The following LIMCH1 variants were observed in gnomAD, a reference collection of about 807,000 sequenced individuals.
LIMCH1 encodes the protein LIM and calponin homology domains 1, also known as LIM and calponin homology domains-containing protein 1.
A neutral mutation model predicts 176.5 loss-of-function variants in LIMCH1; 113 were observed. That is an observed-to-expected ratio of 0.64 (90% CI 0.55 to 0.75). The LOEUF (loss-of-function observed/expected upper bound fraction) is 0.75. LIMCH1 is among the 30% of genes least tolerant of loss of function. LIMCH1 has a pLI of 0.00. For missense variants in LIMCH1, 1,674 were observed against 1,814.9 expected (o/e 0.92, Z 1.41); for synonymous variants, 619 against 645.9 (o/e 0.96, Z 0.63).
chr4:41,392,912 G>A (rs1180055308), intron 1 of LIMCH1, among the ~76,000 whole-genome samples: 2 of 152,030 alleles, frequency 1.3e-5, no homozygotes, highest in African/African-American at 4.8e-5. Flanking sequence ...CATGCCTATA[G>A]TCTCAGCTAC....
At chr4:41,504,621 G>T (rs753707456) in intron 2 of LIMCH1, among the ~76,000 whole-genome samples, 2 of 152,164 alleles carry the variant, frequency 1.3e-5, no homozygotes, top group African/African-American at 4.8e-5. Context: ...TGTAGCTTGC[G>T]CATAGAGAAA....
intron 21 of LIMCH1, among the ~76,000 whole-genome samples, chr4:41,667,589 A>G (rs1318073674): frequency 6.6e-6 from 1 of 152,196 alleles, no homozygotes; most frequent in Non-Finnish European, 1.5e-5. Flanking sequence ...TTAAAATGGC[A>G]CTGACCACTG....
At chr4:41,544,008 T>C (rs1323722263) in intron 1 of LIMCH1, among the ~76,000 whole-genome samples, 1 of 152,200 alleles carries the variant, frequency 6.6e-6, no homozygotes, top group Admixed American at 6.5e-5. Flanking sequence ...TTTTCACCTA[T>C]GGACATGCTT....
chr4:41,563,429 TG>T (rs2082315589), intron 1 of LIMCH1, among the ~76,000 whole-genome samples: 1 of 152,180 alleles, frequency 6.6e-6, no homozygotes, highest in South Asian at 2.1e-4. Flanking sequence ...GCAAACAGCT[TG>T]TAAAATGAAG....
intron 5 of LIMCH1, among the ~76,000 whole-genome samples, chr4:41,618,055 A>G (rs1311203420): frequency 1.3e-5 from 2 of 152,226 alleles, no homozygotes; most frequent in Non-Finnish European, 2.9e-5. Context: ...CTCAAAAGGA[A>G]GTGGCTCTGA....
intron 1 of LIMCH1, among the ~76,000 whole-genome samples, chr4:41,570,844 G>C (rs796142623): frequency 6.6e-6 from 1 of 152,150 alleles, no homozygotes; most frequent in African/African-American, 2.4e-5. Context: ...TCAGGAAGAG[G>C]ACTGAGAAAA....
chr4:41,385,328 C>T (rs2056338560), intron 1 of LIMCH1, among the ~76,000 whole-genome samples: 1 of 152,104 alleles, frequency 6.6e-6, no homozygotes, highest in Admixed American at 6.6e-5. Flanking sequence ...TTTTTAAAGC[C>T]ATTTTGGATT....
chr4:41,696,525 T>G (rs1168782520), intron 31 of LIMCH1, among the ~76,000 whole-genome samples: 1 of 152,178 alleles, frequency 6.6e-6, no homozygotes, highest in Non-Finnish European at 1.5e-5. Flanking sequence ...TAAACCAAGT[T>G]AAAGTTGAAT....
intron 1 of LIMCH1, among the ~76,000 whole-genome samples, chr4:41,415,759 C>T (rs779840775): frequency 6.6e-6 from 1 of 151,994 alleles, no homozygotes; most frequent in Non-Finnish European, 1.5e-5. Flanking sequence ...AGGCAGATCG[C>T]GAGGTCAGGA....
rs1216536221 is a variant in LIMCH1, at chr4:41,538,183, G to A, written c.-408G>A. 8 of 985,538 alleles carry A rather than the reference G, an allele frequency of 8.1e-6. No individual in the cohort carries two copies. Among genetic ancestry groups the A allele is most frequent in the Admixed American group, 6.1e-5 (1 of 16,268 alleles). 61.0% of individuals were successfully genotyped at this position (985,538 alleles called of 1,614,324 possible). ...GCATTTCAGCCGCAGCAGCCTGCTTGTGGACAGAGCAGGGGTTGGCAGTGG... is the reference window on the plus strand; with the variant it reads ...GCATTTCAGCCGCAGCAGCCTGCTTATGGACAGAGCAGGGGTTGGCAGTGG... On this transcript the variant is annotated 5_prime_UTR_variant, in exon 1 of 32. The change creates a new upstream start codon in the 5' untranslated region. Coordinates refer to ENST00000503057, the MANE Select transcript of LIMCH1 (RefSeq NM_001330672.2).
At chr4:41,506,747 GT>G (rs1554077259) in intron 2 of LIMCH1, among the ~76,000 whole-genome samples, 1 of 152,116 alleles carries the variant, frequency 6.6e-6, no homozygotes, top group Non-Finnish European at 1.5e-5. Flanking sequence ...AAAACAAGTA[GT>G]TTTTTCTTTC....
chr4:41,650,627 C>G lies in LIMCH1; in HGVS notation c.3036+19C>G. 1.9e-6 allele frequency: 3 copies of G among 1,586,040 alleles called. No individual in the cohort carries two copies. Among genetic ancestry groups the G allele is most frequent in the Non-Finnish European group, 2.6e-6 (3 of 1,158,870 alleles). On this transcript the variant is annotated intron_variant, in intron 18 of 31. Transcript: ENST00000503057. ...GCTCGCAGTAAGAACCAAACATTTC[C>G]CCGCCTCCCTTTGGGATAATTCCAT... is the stretch of plus-strand genomic sequence containing the variant.
intron 5 of LIMCH1, among the ~76,000 whole-genome samples, chr4:41,615,930 A>G (rs768804101): frequency 4.6e-5 from 7 of 152,174 alleles, no homozygotes; most frequent in Non-Finnish European, 8.8e-5. Context: ...TGTGGGTTGG[A>G]CACAGAGCTA....
In LIMCH1 at chr4:41,538,259, G is replaced by A; in HGVS notation, c.-332G>A. On this transcript the variant is annotated 5_prime_UTR_variant, in exon 1 of 32. Coordinates refer to ENST00000503057, the MANE Select transcript of LIMCH1 (RefSeq NM_001330672.2). ...GTAAGGGCATTTCGGCTGCTGTGCTGGGGCTGACGAGGAGCACACAGGAGA... is the reference window on the plus strand; with the variant it reads ...GTAAGGGCATTTCGGCTGCTGTGCTAGGGCTGACGAGGAGCACACAGGAGA... The A allele has an allele frequency of 2.0e-6, 2 of 985,514 alleles. No individual in the cohort carries two copies. Among genetic ancestry groups the A allele is most frequent in the Non-Finnish European group, 2.4e-6 (2 of 830,032 alleles). 61.0% of individuals were successfully genotyped at this position (985,514 alleles called of 1,614,324 possible).
intron 18 of LIMCH1, among the ~76,000 whole-genome samples, chr4:41,651,906 A>C (rs940684732): frequency 5.9e-5 from 9 of 152,204 alleles, no homozygotes; most frequent in African/African-American, 2.2e-4. Context: ...TCTCACCAGA[A>C]AGACTCATGC....
intron 1 of LIMCH1, among the ~76,000 whole-genome samples, chr4:41,553,723 G>A (rs2080852125): frequency 6.6e-6 from 1 of 152,156 alleles, no homozygotes; most frequent in Non-Finnish European, 1.5e-5. Context: ...ACTTCATGGT[G>A]CGCTGGTGGT....
chr4:41,593,266 A>G (rs1341454094), intron 1 of LIMCH1, among the ~76,000 whole-genome samples: 2 of 152,262 alleles, frequency 1.3e-5, no homozygotes, highest in African/African-American at 4.8e-5. Context: ...GGTTTAATGT[A>G]TGGAAGTTAC....
intron 1 of LIMCH1, among the ~76,000 whole-genome samples, chr4:41,374,934 A>G (rs1047681576): frequency 2.6e-5 from 4 of 152,292 alleles, no homozygotes; most frequent in African/African-American, 7.2e-5. Flanking sequence ...ATTCATGATC[A>G]CCAGGGAAAT....
chr4:41,637,453 G>A (rs974735339), intron 13 of LIMCH1, among the ~76,000 whole-genome samples: 3 of 152,228 alleles, frequency 2.0e-5, no homozygotes, highest in Admixed American at 6.5e-5. Flanking sequence ...GCCTCCCAAA[G>A]TGCTGGGATT....
Sources: allele counts gnomAD v4.1 joint callset (sites outside exome capture counted in the v4.1 genomes callset), GRCh38; gene constraint gnomAD v4.1.1; transcripts MANE v1.5; gene names NCBI Gene and HGNC (gene_info 2026-07-23, HGNC 2026-07-21).